The following DNAH6 variants were observed in gnomAD, a reference collection of about 807,000 sequenced individuals.
DNAH6 encodes dynein axonemal heavy chain 6.
DNAH6 carries 340 observed loss-of-function variants against 491.4 expected under a neutral mutation model. That is an observed-to-expected ratio of 0.69 (90% CI 0.63 to 0.76). DNAH6 has a LOEUF of 0.76. Among genes scored for constraint, DNAH6 ranks in the 30% least tolerant of loss-of-function variants. The pLI is 0.00. For missense variants in DNAH6, 4,443 were observed against 4,972.2 expected, an observed-to-expected ratio of 0.89 and a Z score of 3.20; for synonymous variants, 1,603 against 1,686.1, an observed-to-expected ratio of 0.95 and a Z score of 1.21.
At chr2:84,493,901 CTG>C in the DNAH6 span, among the ~76,000 whole-genome samples, 3 of 152,160 alleles carry the variant, frequency 2.0e-5, no homozygotes, top group Middle Eastern at 9.5e-3. Context: ...TTTGAAGAGA[CTG>C]TGACAACAAG....
intron 41 of DNAH6, among the ~76,000 whole-genome samples, chr2:84,679,119 A>G (rs1481721621): frequency 6.6e-6 from 1 of 152,238 alleles, no homozygotes; most frequent in African/African-American, 2.4e-5. Context: ...AGCAACATAT[A>G]TAAATAGATT....
the DNAH6 span, among the ~76,000 whole-genome samples, chr2:84,479,094 C>G: frequency 1.3e-5 from 2 of 151,924 alleles, no homozygotes; most frequent in African/African-American, 4.9e-5. Context: ...CCTCTGAAGT[C>G]AAGCTGCTTC....
chr2:84,641,281 C>T (rs1243479609), intron 32 of DNAH6, among the ~76,000 whole-genome samples: 1 of 152,184 alleles, frequency 6.6e-6, no homozygotes, highest in Non-Finnish European at 1.5e-5. Flanking sequence ...GCTCCTGCAT[C>T]ACTGGGCTCT....
At chr2:84,530,077 G>A (rs929730991) in intron 4 of DNAH6, among the ~76,000 whole-genome samples, 1 of 152,194 alleles carries the variant, frequency 6.6e-6, no homozygotes, top group Non-Finnish European at 1.5e-5. Context: ...AATTTATTGA[G>A]CATGATCTCT....
Position 84,681,579 on chromosome 2 carries a change from T to C in DNAH6, c.6916+51T>C, listed in dbSNP as rs146302966. On this transcript the variant is annotated intron_variant, in intron 42 of 76. Coordinates refer to ENST00000389394, the MANE Select transcript of DNAH6 (RefSeq NM_001370.2). ...GATCTGCACCCTCCCTACTTTTCCA[T>C]TGGCCCCCAAATATCTCAGTAACAT... is the stretch of plus-strand genomic sequence containing the variant. 1,004 of 1,417,150 alleles carry C rather than the reference T, an allele frequency of 7.1e-4. 6 individuals are homozygous for C. In the African/African-American group the frequency reaches 0.013, roughly 19 times the overall value. The allele number at this position is 1,417,150 out of a possible 1,614,324, so 87.8% of individuals were successfully genotyped here.
chr2:84,683,426 T>A (rs1018736165), intron 42 of DNAH6, among the ~76,000 whole-genome samples: 1 of 146,536 alleles, frequency 6.8e-6, no homozygotes, highest in East Asian at 2.0e-4. Flanking sequence ...TTTTTTTTTT[T>A]TTTTTTTTTT....
At chr2:84,633,039 AAG>A (rs1191887168) in intron 29 of DNAH6, among the ~76,000 whole-genome samples, 2 of 152,148 alleles carry the variant, frequency 1.3e-5, no homozygotes, top group Non-Finnish European at 2.9e-5. Flanking sequence ...AAGAACTACC[AAG>A]AGCTCTGTGG....
chr2:84,814,152 C>A, intron 75 of DNAH6, 30 bp downstream of exon 75: 1 of 1,545,632 alleles, frequency 6.5e-7, no homozygotes, highest in Admixed American at 2.0e-5. Flanking sequence ...TATGGCAAAG[C>A]AGCTTCTATC....
chr2:84,685,607 A>G, intron 43 of DNAH6, 135 bp downstream of exon 43: 1 of 427,516 alleles, frequency 2.3e-6, no homozygotes, highest in Non-Finnish European at 4.0e-6. Flanking sequence ...GTTCAAATAT[A>G]TATTAAAATA....
At chr2:84,675,305 G>T (rs1026483842) in intron 40 of DNAH6, among the ~76,000 whole-genome samples, 1 of 152,064 alleles carries the variant, frequency 6.6e-6, no homozygotes, top group African/African-American at 2.4e-5. Flanking sequence ...TTAATACCTT[G>T]TATATAGTAA....
At position 84,814,118 on chromosome 2, in the gene DNAH6, T is replaced by C; in HGVS notation, c.12146T>C (p.Met4049Thr). ...TTTGGACAAGAACTGCCCATGGACA[T>C]GGAGGTATTGTCCACCTGGCTGTTA... ...VQFGQELPMDMELPSPEDGVL... is the reference protein window; with the variant it reads ...VQFGQELPMDTELPSPEDGVL... Residue 4049 changes from methionine (M) to threonine (T), a missense_variant, in exon 75 of 77, where the codon ATG becomes ACG. Around this residue, in one of 3 missense-constraint regions of DNAH6, gnomAD observed 1,463 missense variants for 1,656.6 expected, o/e 0.88. Transcript: ENST00000389394. The C allele has an allele frequency of 6.4e-7, 1 of 1,551,454 alleles. No homozygotes were observed. The highest frequency in any genetic ancestry group is 8.7e-7 in the Non-Finnish European group (1 of 1,146,828).
chr2:84,808,292 A>G (rs1264893712), intron 71 of DNAH6, 123 bp from the exon 72 acceptor site: 2 of 1,082,254 alleles, frequency 1.8e-6, no homozygotes, highest in Non-Finnish European at 2.6e-6. Context: ...AATCCTATGT[A>G]TCTGGCTTAA....
the DNAH6 span, among the ~76,000 whole-genome samples, chr2:84,469,337 A>T: frequency 2.7e-5 from 4 of 150,672 alleles, no homozygotes; most frequent in African/African-American, 7.3e-5. The surrounding 1 kb of genome is among the most constrained non-coding windows in gnomAD (Gnocchi z 4.0). Flanking sequence ...AAAGGAAAAA[A>T]TTTTTTTTTT....
In DNAH6 at chr2:84,552,438, G is replaced by C. The variant is rs527651852; in HGVS notation, c.1486-480G>C. ...TCGTTACTGAATAAACTATTTTAAG[G>C]AAGAGAAGAATAAGGAGGTGAATTC... On this transcript the variant is annotated intron_variant, in intron 9 of 76. Coordinates refer to ENST00000389394, the MANE Select transcript of DNAH6 (RefSeq NM_001370.2). Among the ~76,000 whole-genome samples the C allele has an allele frequency of 5.9e-5, 9 of 152,298 alleles. No individual in the cohort carries two copies. The East Asian group carries it at 1.7e-3, about 29-fold the overall frequency.
intron 60 of DNAH6, among the ~76,000 whole-genome samples, chr2:84,727,088 G>A (rs1236452572): frequency 6.6e-6 from 1 of 152,176 alleles, no homozygotes. Flanking sequence ...AAATAAGCAT[G>A]AGCTTACCTT....
intron 11 of DNAH6, among the ~76,000 whole-genome samples, chr2:84,562,289 A>G (rs1680762571): frequency 6.6e-6 from 1 of 152,218 alleles, no homozygotes; most frequent in Non-Finnish European, 1.5e-5. Context: ...CATAAGACAC[A>G]TAGAAAATAA....
chr2:84,693,683 C>T (rs973306543), intron 45 of DNAH6, among the ~76,000 whole-genome samples: 6 of 151,614 alleles, frequency 4.0e-5, no homozygotes, highest in Admixed American at 3.3e-4. Context: ...TTGCAGCGAG[C>T]CGAGATCACA....
At chr2:84,564,539 G>T (rs1289505301) in intron 11 of DNAH6, among the ~76,000 whole-genome samples, 3 of 152,084 alleles carry the variant, frequency 2.0e-5, no homozygotes, top group African/African-American at 7.2e-5. Context: ...CATTTATTTT[G>T]TATTCCAAAA....
intron 12 of DNAH6, among the ~76,000 whole-genome samples, chr2:84,573,993 G>A (rs1259555402): frequency 6.6e-6 from 1 of 152,072 alleles, no homozygotes; most frequent in African/African-American, 2.4e-5. Flanking sequence ...ATTAAGATCT[G>A]GTGGGTGTGA....
Sources: allele counts gnomAD v4.1 joint callset (sites outside exome capture counted in the v4.1 genomes callset), GRCh38; gene constraint gnomAD v4.1.1; regional missense constraint gnomAD v4.1.1; non-coding constraint Gnocchi (gnomAD v3.1); transcripts MANE v1.5; gene names NCBI Gene and HGNC (gene_info 2026-07-23, HGNC 2026-07-21).